CEP57L1: variants seen among roughly 807,000 people sequenced by gnomAD.
CEP57L1 encodes the protein centrosomal protein CEP57L1.
Under a neutral mutation model 61.0 loss-of-function variants are expected in CEP57L1, and 37 were observed. The ratio of observed to expected loss-of-function variants is 0.61; its 90% CI spans 0.47 to 0.80. The LOEUF (loss-of-function observed/expected upper bound fraction) is 0.80, where lower values mean the gene tolerates loss of function less well. Ranked by LOEUF, CEP57L1 falls within the 30% of genes least tolerant of loss-of-function variation. The probability of loss-of-function intolerance (pLI) is 0.00; values close to 1 mark genes in which losing one functional copy is unlikely to be tolerated. For missense variants in CEP57L1, 422 were observed against 524.7 expected (o/e 0.80, Z 1.91); for synonymous variants, 137 against 162.3 (o/e 0.84, Z 1.19).
chr6:109,134,002 A>T (rs1308785252), intron 1 of CEP57L1, among the ~76,000 whole-genome samples: 1 of 152,226 alleles, frequency 6.6e-6, no homozygotes, highest in Non-Finnish European at 1.5e-5. Context: ...AGCTGGTACC[A>T]TTCCTTCTGA....
At chr6:109,133,909 G>A (rs965687107) in intron 1 of CEP57L1, among the ~76,000 whole-genome samples, 3 of 152,128 alleles carry the variant, frequency 2.0e-5, no homozygotes, top group African/African-American at 4.8e-5. Flanking sequence ...CTGAAATTGA[G>A]GCAATAATTA....
At chr6:109,113,587 A>G (rs1220290071) in intron 1 of CEP57L1, among the ~76,000 whole-genome samples, 2 of 152,190 alleles carry the variant, frequency 1.3e-5, no homozygotes, top group Non-Finnish European at 2.9e-5. Flanking sequence ...CATTAAATCT[A>G]TGATGTCAAA....
chr6:109,106,925 G>A (rs1771008187), intron 1 of CEP57L1, among the ~76,000 whole-genome samples: 1 of 152,198 alleles, frequency 6.6e-6, no homozygotes, highest in South Asian at 2.1e-4. Flanking sequence ...AGGTGACAGA[G>A]TGAGACTCTA....
At chr6:109,115,698 T>C (rs1416394485) in intron 1 of CEP57L1, among the ~76,000 whole-genome samples, 1 of 152,112 alleles carries the variant, frequency 6.6e-6, no homozygotes, top group Admixed American at 6.6e-5. Flanking sequence ...ACAGTTAGAG[T>C]CCGGAGACCT....
At chr6:109,124,274 C>T (rs900667552) in intron 1 of CEP57L1, among the ~76,000 whole-genome samples, 1 of 152,306 alleles carries the variant, frequency 6.6e-6, no homozygotes, top group East Asian at 1.9e-4. Flanking sequence ...AACACCTGTA[C>T]CTGGCATGCG....
At position 109,172,834 on chromosome 6, in the gene CEP57L1, T is replaced by A. The variant is rs1774466314; in HGVS notation, c.*9864T>A. Among the ~76,000 whole-genome samples the A allele has an allele frequency of 6.6e-6, 1 of 152,216 alleles. No individual in the cohort carries two copies. The highest frequency in any genetic ancestry group is 2.1e-4 in the South Asian group (1 of 4,828). ...AGTTAATAAAACTAGGGCCATGTGT[T>A]ACTACAACATAGGAGTTAACTTTGT... On this transcript the variant is annotated 3_prime_UTR_variant, in exon 11 of 11. Coordinates refer to ENST00000517392, the MANE Select transcript of CEP57L1 (RefSeq NM_001271852.3).
Position 109,167,787 on chromosome 6 carries a change from T to G in CEP57L1, c.*4817T>G, listed in dbSNP as rs1333181837. On this transcript the variant is annotated 3_prime_UTR_variant, in exon 11 of 11. Coordinates refer to ENST00000517392, the MANE Select transcript of CEP57L1 (RefSeq NM_001271852.3). The stretch of plus-strand genomic sequence containing the variant: ...CTGTGGGCACCAGAATGGTGCTTTC[T>G]TTGATACTATGCTAAGAGGAAGAGG... Among the ~76,000 whole-genome samples, 1 of 152,250 alleles carries G rather than the reference T, an allele frequency of 6.6e-6. No individual in the cohort carries two copies. Among genetic ancestry groups the G allele is most frequent in the Non-Finnish European group, 1.5e-5 (1 of 68,034 alleles).
At chr6:109,109,956 T>C (rs1197014824) in intron 1 of CEP57L1, among the ~76,000 whole-genome samples, 1 of 152,234 alleles carries the variant, frequency 6.6e-6, no homozygotes, top group African/African-American at 2.4e-5. Context: ...GCATTTGGGT[T>C]GGTTCCAAGT....
rs1221236279 is a variant in CEP57L1 at position 109,171,414 on chromosome 6, T to C, written c.*8444T>C. On this transcript the variant is annotated 3_prime_UTR_variant, in exon 11 of 11. Coordinates refer to ENST00000517392, the MANE Select transcript of CEP57L1 (RefSeq NM_001271852.3). ...TCACCACACCCGGCTGTTTTTTTTT[T>C]TCGCATTTTTAATAGAAACGGGGTT... Among the ~76,000 whole-genome samples, 1 of 151,890 alleles carries C rather than the reference T, an allele frequency of 6.6e-6. No homozygotes were observed. The highest frequency in any genetic ancestry group is 1.5e-5 in the Non-Finnish European group (1 of 67,976).
chr6:109,114,490 T>C (rs971489997), intron 1 of CEP57L1, among the ~76,000 whole-genome samples: 11 of 151,910 alleles, frequency 7.2e-5, no homozygotes, highest in African/African-American at 2.7e-4. Flanking sequence ...GAATACTGTT[T>C]AGCCTTTAAA....
intron 1 of CEP57L1, among the ~76,000 whole-genome samples, chr6:109,114,559 A>G (rs1340089676): frequency 6.6e-6 from 1 of 152,182 alleles, no homozygotes; most frequent in African/African-American, 2.4e-5. Context: ...AGGACATCAT[A>G]TTAAGGGAAA....
At chr6:109,123,889 C>T (rs1320071432) in intron 1 of CEP57L1, among the ~76,000 whole-genome samples, 1 of 151,794 alleles carries the variant, frequency 6.6e-6, no homozygotes, top group Non-Finnish European at 1.5e-5. Flanking sequence ...GCCAACATGG[C>T]GAAACCCCGT....
At chr6:109,096,111 G>A (rs529386496) in intron 1 of CEP57L1, among the ~76,000 whole-genome samples, 6 of 152,182 alleles carry the variant, frequency 3.9e-5, no homozygotes, top group Non-Finnish European at 8.8e-5. Flanking sequence ...CCAAAACTTA[G>A]TCGACTTTTT....
At chr6:109,145,856 T>TA (rs900861696) in intron 2 of CEP57L1, among the ~76,000 whole-genome samples, 5 of 151,984 alleles carry the variant, frequency 3.3e-5, no homozygotes, top group Admixed American at 1.3e-4. Flanking sequence ...AGGAGGATCT[T>TA]AAAATTGAAT....
chr6:109,154,624 C>G (rs1035877631), intron 5 of CEP57L1, among the ~76,000 whole-genome samples: 2 of 151,894 alleles, frequency 1.3e-5, no homozygotes, highest in African/African-American at 4.8e-5. Context: ...TAATAATGTT[C>G]AGAAGAAATG....
chr6:109,104,197 G>A (rs1770653272), intron 1 of CEP57L1, among the ~76,000 whole-genome samples: 1 of 151,970 alleles, frequency 6.6e-6, no homozygotes, highest in African/African-American at 2.4e-5. Context: ...TATTTTCAGA[G>A]CTTATCTGTG....
intron 7 of CEP57L1, chr6:109,156,125 G>A (rs556579561): frequency 7.4e-5 from 22 of 296,450 alleles, no homozygotes; most frequent in African/African-American, 4.0e-4. Context: ...GACAACCAAA[G>A]CAAAAAGGAA....
At chr6:109,097,565 C>T (rs1781854550) in intron 1 of CEP57L1, among the ~76,000 whole-genome samples, 1 of 152,148 alleles carries the variant, frequency 6.6e-6, no homozygotes, top group Admixed American at 6.5e-5. Flanking sequence ...CTGTTGAGTC[C>T]CTTTTATATA....
rs572295506 is a variant in CEP57L1, at chr6:109,134,521, G to C, written c.-3-10698G>C. Among the ~76,000 whole-genome samples, 50 of 152,262 alleles carry C rather than the reference G, an allele frequency of 3.3e-4. 1 individual carries two copies. The highest frequency in any genetic ancestry group is 1.2e-3 in the East Asian group (6 of 5,178). ...CTGGCACAAGACAGGGATGCCCTCT[G>C]TCACCACTCCTATTCAACATAGTAT... is the stretch of plus-strand genomic sequence containing the variant. On this transcript the variant is annotated intron_variant, in intron 1 of 10. Coordinates refer to ENST00000517392, the MANE Select transcript of CEP57L1 (RefSeq NM_001271852.3).
Sources: gnomAD v4.1 joint callset for allele counts (sites outside exome capture counted in the v4.1 genomes callset) on GRCh38, gnomAD v4.1.1 for gene constraint, MANE v1.5 for transcripts, NCBI Gene and HGNC (gene_info 2026-07-23, HGNC 2026-07-21) for gene names.